ZNF670: variants seen among roughly 807,000 people sequenced by gnomAD.
The protein encoded by ZNF670 is zinc finger protein 670.
ZNF670 carries 7 observed loss-of-function variants against 10.9 expected under a neutral mutation model. The observed-to-expected ratio is 0.64, with a 90% CI of 0.36 to 1.20. The LOEUF is 1.20. Ranked by LOEUF, ZNF670 falls within the 50% of genes most tolerant of loss-of-function variation. The pLI is 0.02. For synonymous variants in ZNF670, 136 were observed against 152.7 expected (o/e 0.89, Z 0.81); for missense variants, 446 against 458.6 (o/e 0.97, Z 0.25).
At chr1:247,077,755 G>A (rs1365407999) in intron 1 of ZNF670, among the ~76,000 whole-genome samples, 1 of 152,218 alleles carries the variant, frequency 6.6e-6, no homozygotes, top group Admixed American at 6.5e-5. Flanking sequence ...TGTGGGAACA[G>A]GGTCGTTGAT....
rs144427052 is a variant in ZNF670 at position 247,038,235 on chromosome 1, G to T, written c.384C>A (p.Asn128Lys). The change falls in exon 4 of 4, where the codon AAC becomes AAA. Residue 128 changes from asparagine to lysine, a missense_variant. By Grantham distance (94) the Asn-to-Lys change is moderately conservative. Transcript: ENST00000366503. Reference sequence around the variant, plus strand: ...GACATTCCTCACACTCAAATAGTTTGTTTCCAATGTGAGACAGGATGTGCC... The same window carrying T: ...GACATTCCTCACACTCAAATAGTTTTTTTCCAATGTGAGACAGGATGTGCC... Reference protein sequence around the residue: ...LHRHILSHIGNKLFECEECPE... With the variant: ...LHRHILSHIGKKLFECEECPE... The T allele has an allele frequency of 9.4e-5, 152 of 1,614,148 alleles. 1 individual carries two copies. The African/African-American group carries it at 1.8e-3, about 19-fold the overall frequency.
rs546017313 is a variant in ZNF670 at position 247,037,142 on chromosome 1, T to C, written c.*307A>G. ...AGCTCCATGATTCCCTGCAAAAAAC[T>C]GAAAATCTAAAGTATAGACACCTTC... On this transcript the variant is annotated 3_prime_UTR_variant, in exon 4 of 4. Coordinates refer to ENST00000366503, the MANE Select transcript of ZNF670 (RefSeq NM_033213.5). 8.4e-6 allele frequency: 2 copies of C among 239,028 alleles called. No individual in the cohort carries two copies. Among genetic ancestry groups the C allele is most frequent in the South Asian group, 2.2e-4 (2 of 9,160 alleles). The allele number at this position is 239,028 out of a possible 1,614,324, so 14.8% of individuals were successfully genotyped here.
chr1:247,068,002 A>G (rs1203845262), intron 1 of ZNF670, among the ~76,000 whole-genome samples: 1 of 150,656 alleles, frequency 6.6e-6, no homozygotes, highest in Non-Finnish European at 1.5e-5. Flanking sequence ...ACTCTATAGG[A>G]AAAAAATCTA....
rs148403154 is a variant in ZNF670 at position 247,049,300 on chromosome 1, T to C, written c.4-9763A>G. 8.0e-4 allele frequency among the ~76,000 whole-genome samples: 121 copies of C among 152,072 alleles called. 1 individual carries two copies. In the East Asian group the frequency reaches 0.021, roughly 27 times the overall value. Reference sequence around the variant, plus strand: ...TTTAGCTGGTCTCAAACTCCTGACCTCACGACCTGCCCACCTCGGCTTCCC... The same window carrying C: ...TTTAGCTGGTCTCAAACTCCTGACCCCACGACCTGCCCACCTCGGCTTCCC... On this transcript the variant is annotated intron_variant, in intron 1 of 3. Coordinates refer to ENST00000366503, the MANE Select transcript of ZNF670 (RefSeq NM_033213.5).
intron 1 of ZNF670, 127 bp from the exon 2 acceptor site, chr1:247,039,664 C>A: frequency 9.6e-7 from 1 of 1,039,056 alleles, no homozygotes; most frequent in Non-Finnish European, 1.3e-6. Flanking sequence ...ACCTGGTCAT[C>A]AGAACTTTAC....
At chr1:247,043,237 T>C (rs1670361397) in intron 1 of ZNF670, 9 of 688,348 alleles carry the variant, frequency 1.3e-5, no homozygotes, top group Middle Eastern at 2.6e-4. Context: ...AAGGAGGACT[T>C]TGGATTTAAG....
Position 247,042,293 on chromosome 1 carries a change from G to A in ZNF670, c.4-2756C>T, listed in dbSNP as rs148895770. The stretch of plus-strand genomic sequence containing the variant: ...ACACCAGATACCAGGCGGCAGAACC[G>A]ATTAGCAAGTCATTGCGAGAGAAGA... On this transcript the variant is annotated intron_variant, in intron 1 of 3. Transcript: ENST00000366503. 4.6e-3 allele frequency among the ~76,000 whole-genome samples: 705 copies of A among 152,302 alleles called. 4 individuals are homozygous for A. The highest frequency in any genetic ancestry group is 8.5e-3 in the Non-Finnish European group (575 of 68,020).
intron 1 of ZNF670, among the ~76,000 whole-genome samples, chr1:247,073,778 A>T (rs1671191171): frequency 6.6e-6 from 1 of 152,234 alleles, no homozygotes; most frequent in South Asian, 2.1e-4. Flanking sequence ...CACATTGCAC[A>T]TGCCAGTTGC....
chr1:247,044,687 G>A (rs983943813), intron 1 of ZNF670, among the ~76,000 whole-genome samples: 1 of 152,114 alleles, frequency 6.6e-6, no homozygotes, highest in Non-Finnish European at 1.5e-5. Flanking sequence ...ATTATCATAA[G>A]CAAATTAATG....
chr1:247,061,505 T>A (rs1259687825), intron 1 of ZNF670, among the ~76,000 whole-genome samples: 1 of 151,986 alleles, frequency 6.6e-6, no homozygotes, highest in Non-Finnish European at 1.5e-5. Flanking sequence ...ATGAAATAAG[T>A]CTAATAAATT....
chr1:247,055,555 G>T (rs779025479), intron 1 of ZNF670, among the ~76,000 whole-genome samples: 1 of 152,112 alleles, frequency 6.6e-6, no homozygotes, highest in South Asian at 2.1e-4. Flanking sequence ...TTCTATACAC[G>T]CTCCTTAATA....
At chr1:247,047,376 C>T (rs983973740) in intron 1 of ZNF670, among the ~76,000 whole-genome samples, 1 of 151,974 alleles carries the variant, frequency 6.6e-6, no homozygotes, top group Non-Finnish European at 1.5e-5. Flanking sequence ...CAGAGGTTCC[C>T]AAACCTCAAT....
intron 1 of ZNF670, among the ~76,000 whole-genome samples, chr1:247,062,773 G>T (rs945167921): frequency 6.6e-6 from 1 of 152,196 alleles, no homozygotes. Flanking sequence ...TAGATGAAGG[G>T]TCTATCGGAA....
intron 1 of ZNF670, among the ~76,000 whole-genome samples, chr1:247,068,982 A>G (rs1427911657): frequency 2.0e-5 from 3 of 150,746 alleles, no homozygotes; most frequent in African/African-American, 7.5e-5. Flanking sequence ...AATCAAAACA[A>G]CTGAACTCAT....
rs897236130 is a variant in ZNF670 at position 247,078,722 on chromosome 1, G to T, written c.-126C>A. Reference sequence around the variant, plus strand: ...GATAAGGGGAAGGAGCAGCGGAGACGCACCGAGCTCGCCACATTCGCGCTG... The same window carrying T: ...GATAAGGGGAAGGAGCAGCGGAGACTCACCGAGCTCGCCACATTCGCGCTG... On this transcript the variant is annotated 5_prime_UTR_variant, in exon 1 of 4. It introduces an in-frame stop codon into an upstream open reading frame of the 5' UTR. Coordinates refer to ENST00000366503, the MANE Select transcript of ZNF670 (RefSeq NM_033213.5). 6 of 1,038,748 alleles carry T rather than the reference G, an allele frequency of 5.8e-6. No homozygotes were observed. Among genetic ancestry groups the T allele is most frequent in the Non-Finnish European group, 7.1e-6 (5 of 707,060 alleles). 64.3% of individuals were successfully genotyped at this position (1,038,748 alleles called of 1,614,324 possible).
intron 1 of ZNF670, chr1:247,042,707 T>C (rs1312748744): frequency 5.9e-6 from 2 of 339,718 alleles, no homozygotes; most frequent in Non-Finnish European, 1.1e-5. Context: ...AAGAAAAAAA[T>C]GGAGACAGAC....
chr1:247,074,123 A>G (rs1405593595), intron 1 of ZNF670, among the ~76,000 whole-genome samples: 1 of 152,230 alleles, frequency 6.6e-6, no homozygotes. Flanking sequence ...GACTTAGATG[A>G]TGCTTCCTTT....
chr1:247,063,401 G>T (rs1311308156), intron 1 of ZNF670, among the ~76,000 whole-genome samples: 1 of 152,050 alleles, frequency 6.6e-6, no homozygotes, highest in East Asian at 2.0e-4. Flanking sequence ...GGCTAACACG[G>T]TGAAACCCCG....
intron 1 of ZNF670, among the ~76,000 whole-genome samples, chr1:247,045,535 A>T (rs1271604010): frequency 6.6e-6 from 1 of 152,182 alleles, no homozygotes; most frequent in Non-Finnish European, 1.5e-5. Flanking sequence ...CGTCTGAGGC[A>T]TCACCAGAAG....
Sources: gnomAD v4.1 joint callset for allele counts (sites outside exome capture counted in the v4.1 genomes callset) on GRCh38, gnomAD v4.1.1 for gene constraint, MANE v1.5 for transcripts, NCBI Gene and HGNC (gene_info 2026-07-23, HGNC 2026-07-21) for gene names.